Variants in ATP1B3 observed in about 807,000 individuals in gnomAD.
ATP1B3 encodes sodium/potassium-transporting ATPase subunit beta-3.
ATP1B3 carries 10 observed loss-of-function variants against 30.2 expected under a neutral mutation model. That is an observed-to-expected ratio of 0.33 (90% CI 0.20 to 0.56). The LOEUF is 0.56. ATP1B3 is among the 20% of genes least tolerant of loss of function. The pLI, the probability that ATP1B3 is intolerant of heterozygous loss-of-function variation, is 0.90. For missense variants in ATP1B3, 238 were observed against 336.7 expected (o/e 0.71, Z 2.29); for synonymous variants, 113 against 117.0 (o/e 0.97, Z 0.22).
intron 2 of ATP1B3, among the ~76,000 whole-genome samples, chr3:141,904,668 T>C (rs1238422919): frequency 6.6e-6 from 1 of 151,388 alleles, no homozygotes; most frequent in East Asian, 1.9e-4. Context: ...CTAAACCACA[T>C]TTTCTACCTC....
chr3:141,887,245 G>A (rs962748078), intron 1 of ATP1B3, among the ~76,000 whole-genome samples: 4 of 152,216 alleles, frequency 2.6e-5, no homozygotes, highest in Non-Finnish European at 5.9e-5. Flanking sequence ...AGCAGCAGCC[G>A]TGGTTTGCTT....
chr3:141,925,650 T>A lies in ATP1B3; in HGVS notation c.789T>A (p.Asp263Glu). The A allele has an allele frequency of 6.2e-7, 1 of 1,613,006 alleles. No homozygotes were observed. Among genetic ancestry groups the A allele is most frequent in the Non-Finnish European group, 8.5e-7 (1 of 1,179,856 alleles). ...CAGCCAACCTAAAAAGTCAGGATGATCGTGACAAGTTTTTGGGACGAGTTA... is the reference window on the plus strand; with the variant it reads ...CAGCCAACCTAAAAAGTCAGGATGAACGTGACAAGTTTTTGGGACGAGTTA... ...DGSANLKSQD[D>E]RDKFLGRVMF... The change falls in exon 7 of 7, where the codon GAT (aspartate) becomes GAA (glutamate). Residue 263 changes from aspartate to glutamate, a missense_variant. Asp to Glu is a conservative substitution (Grantham distance 45). Transcript: ENST00000286371.
chr3:141,891,647 ACTTT>A (rs1308941899), intron 1 of ATP1B3, among the ~76,000 whole-genome samples: 4 of 151,758 alleles, frequency 2.6e-5, no homozygotes, highest in Non-Finnish European at 5.9e-5. Context: ...AATCTCTCCT[ACTTT>A]CTTTGTATTT....
chr3:141,909,016 C>G lies in ATP1B3; in HGVS notation c.346+1742C>G, dbSNP rs148425497. Among the ~76,000 whole-genome samples the G allele has an allele frequency of 4.3e-4, 65 of 152,248 alleles. No individual in the cohort carries two copies. The East Asian group carries it at 0.011, about 27-fold the overall frequency. Reference sequence around the variant, plus strand: ...GTCTCAGAAACATACTGTGTACTCTCTCTTCTTGTGTGTATTTAGCCTTTC... The same window carrying G: ...GTCTCAGAAACATACTGTGTACTCTGTCTTCTTGTGTGTATTTAGCCTTTC... On this transcript the variant is annotated intron_variant, in intron 3 of 6. Transcript: ENST00000286371.
At chr3:141,907,347 C>CGGTA (rs3838612) in intron 3 of ATP1B3, 73 bp downstream of exon 3, 250,809 of 1,191,268 alleles carry the variant, frequency 0.21, 29,840 homozygotes, top group African/African-American at 0.26. Context: ...GGGCCGGGCA[C>CGGTA]GGTAGCTCAC....
At chr3:141,883,608 A>G (rs1338898904) in intron 1 of ATP1B3, among the ~76,000 whole-genome samples, 1 of 152,198 alleles carries the variant, frequency 6.6e-6, no homozygotes, top group African/African-American at 2.4e-5. Flanking sequence ...TATTTACTAG[A>G]CTATAATCTT....
chr3:141,889,105 C>T lies in ATP1B3; in HGVS notation c.109+12195C>T, dbSNP rs775103843. 2.6e-5 allele frequency among the ~76,000 whole-genome samples: 4 copies of T among 152,150 alleles called. No individual in the cohort carries two copies. In the East Asian group the frequency reaches 7.8e-4, roughly 30 times the overall value. On this transcript the variant is annotated intron_variant, in intron 1 of 6. Transcript: ENST00000286371. ...AGAGCCAAGGGGGAAGTGCCACACACCTTCAAACAACCAGACTCATGAGAA... is the reference window on the plus strand; with the variant it reads ...AGAGCCAAGGGGGAAGTGCCACACATCTTCAAACAACCAGACTCATGAGAA...
chr3:141,895,085 G>A (rs1181716787), intron 1 of ATP1B3, among the ~76,000 whole-genome samples: 1 of 151,700 alleles, frequency 6.6e-6, no homozygotes, highest in African/African-American at 2.4e-5. Flanking sequence ...GTTACGTGGT[G>A]TATGTCTGTA....
rs753495336 is a variant in ATP1B3 at position 141,925,616 on chromosome 3, T to C, written c.755T>C (p.Ile252Thr). 4 of 1,613,684 alleles carry C rather than the reference T, an allele frequency of 2.5e-6. No individual in the cohort carries two copies. The highest frequency in any genetic ancestry group is 2.2e-5 in the South Asian group (2 of 91,058). ...AAAGAAGTAACAGTTGAGTGCAAGATTGATGGATCAGCCAACCTAAAAAGT... is the reference window on the plus strand; with the variant it reads ...AAAGAAGTAACAGTTGAGTGCAAGACTGATGGATCAGCCAACCTAAAAAGT... Reference protein sequence around the residue: ...TGKEVTVECKIDGSANLKSQD... With the variant: ...TGKEVTVECKTDGSANLKSQD... The change falls in exon 7 of 7, where the codon ATT becomes ACT. Residue 252 changes from isoleucine (I) to threonine (T), a missense_variant. Around this residue, in one of 3 missense-constraint regions of ATP1B3, gnomAD observed 50 missense variants for 62.3 expected, o/e 0.80. Transcript: ENST00000286371.
intron 1 of ATP1B3, among the ~76,000 whole-genome samples, chr3:141,887,497 G>A (rs1458094859): frequency 1.3e-5 from 2 of 152,140 alleles, no homozygotes; most frequent in African/African-American, 4.8e-5. Flanking sequence ...ATAAAGGTCC[G>A]GCAGTGTCTT....
At chr3:141,922,580 G>T (rs2107780508) in intron 6 of ATP1B3, among the ~76,000 whole-genome samples, 1 of 151,994 alleles carries the variant, frequency 6.6e-6, no homozygotes, top group South Asian at 2.1e-4. Context: ...TTGAACCCAG[G>T]AGGTGGAGGT....
chr3:141,877,216 GGAAGCCGGGGACCCCTGCCC>G (rs1178255316), intron 1 of ATP1B3, among the ~76,000 whole-genome samples: 1 of 113,472 alleles, frequency 8.8e-6, no homozygotes, highest in Non-Finnish European at 2.0e-5. Flanking sequence ...GCGCGGCGCC[GGAAGCCGGGGACCCCTGCCC>G]GAAGCCGGGC....
chr3:141,917,899 C>A (rs1037821080), intron 5 of ATP1B3, among the ~76,000 whole-genome samples: 2 of 151,798 alleles, frequency 1.3e-5, no homozygotes, highest in Admixed American at 1.3e-4. Context: ...TCCCAAGTAA[C>A]TGGGACTACA....
At chr3:141,891,164 C>T (rs1288067548) in intron 1 of ATP1B3, among the ~76,000 whole-genome samples, 1 of 152,050 alleles carries the variant, frequency 6.6e-6, no homozygotes, top group Non-Finnish European at 1.5e-5. Flanking sequence ...TATATGGATT[C>T]TTTTTAGGAT....
intron 1 of ATP1B3, among the ~76,000 whole-genome samples, chr3:141,897,325 A>T (rs1014917978): frequency 6.6e-6 from 1 of 151,972 alleles, no homozygotes; most frequent in Non-Finnish European, 1.5e-5. Flanking sequence ...TTTTCCTAGC[A>T]TCCAGTATCT....
chr3:141,898,256 G>C (rs912127224), intron 1 of ATP1B3, among the ~76,000 whole-genome samples: 3 of 152,040 alleles, frequency 2.0e-5, no homozygotes, highest in Non-Finnish European at 2.9e-5. Flanking sequence ...ATAGATAAGT[G>C]GTTCTTCATC....
At chr3:141,906,231 G>GTGCAA (rs940940372) in intron 2 of ATP1B3, among the ~76,000 whole-genome samples, 18 of 151,636 alleles carry the variant, frequency 1.2e-4, no homozygotes, top group African/African-American at 3.9e-4. Context: ...CCAGGCTGGA[G>GTGCAA]TGCAATGGCA....
chr3:141,915,270 G>A (rs578068522), intron 4 of ATP1B3, among the ~76,000 whole-genome samples: 16 of 152,352 alleles, frequency 1.1e-4, no homozygotes, highest in African/African-American at 3.8e-4. Context: ...ATGAGCTTAC[G>A]TAGTGTAGCA....
chr3:141,897,131 TGA>T (rs1934081492), intron 1 of ATP1B3, among the ~76,000 whole-genome samples: 1 of 152,156 alleles, frequency 6.6e-6, no homozygotes, highest in South Asian at 2.1e-4. Context: ...TCATGCATAC[TGA>T]GAGAAGCAAA....
Sources: gnomAD v4.1 joint callset for allele counts (sites outside exome capture counted in the v4.1 genomes callset) on GRCh38, gnomAD v4.1.1 for gene constraint, gnomAD v4.1.1 regional missense constraint, MANE v1.5 for transcripts, NCBI Gene and HGNC (gene_info 2026-07-23, HGNC 2026-07-21) for gene names.